SASH1: variants seen among roughly 807,000 people sequenced by gnomAD.
SASH1 encodes SAM and SH3 domain-containing protein 1.
In SASH1, 44 loss-of-function variants were observed where a neutral mutation model predicts 125.2. That is an observed-to-expected ratio of 0.35 (90% confidence interval 0.28 to 0.45). SASH1 has a LOEUF of 0.45. SASH1 is among the 20% of genes least tolerant of loss of function. SASH1 has a pLI of 1.00. For missense variants in SASH1, 1,426 were observed against 1,614.5 expected (o/e 0.88, Z 2.00); for synonymous variants, 639 against 649.1 (o/e 0.98, Z 0.24).
chr6:148,309,475 C>A (rs1258959138), intron 1 of SASH1, among the ~76,000 whole-genome samples: 2 of 152,116 alleles, frequency 1.3e-5, no homozygotes, highest in Non-Finnish European at 2.9e-5. Flanking sequence ...CACCTCCACC[C>A]ATATCCACCC....
rs544639147 is a variant in SASH1, at chr6:148,538,635, G to A, written c.2096-1808G>A. Among the ~76,000 whole-genome samples the A allele has an allele frequency of 6.6e-5, 10 of 152,296 alleles. No individual in the cohort carries two copies. In the South Asian group the frequency reaches 2.1e-3, roughly 32 times the overall value. ...CGCTGCCACGATCTCTGCTGTAGTT[G>A]GGGCTGTAAAATGCTTTCCCCGTGA... On this transcript the variant is annotated intron_variant, in intron 16 of 19. Transcript: ENST00000367467.
intron 10 of SASH1, chr6:148,524,487 A>G (rs988294625): frequency 2.6e-5 from 4 of 152,196 alleles, no homozygotes; most frequent in Non-Finnish European, 5.9e-5. Flanking sequence ...AGATATAAGC[A>G]GTTCCGTGAA....
chr6:148,512,518 C>A, intron 8 of SASH1: 2 of 985,116 alleles, frequency 2.0e-6, no homozygotes, highest in Non-Finnish European at 2.4e-6. Flanking sequence ...TCTCATTCCT[C>A]TGGTTGACCG....
intron 2 of SASH1, among the ~76,000 whole-genome samples, chr6:148,424,951 A>G (rs1703787610): frequency 6.6e-6 from 1 of 152,208 alleles, no homozygotes; most frequent in South Asian, 2.1e-4. Flanking sequence ...AGGGATTGCA[A>G]GGCACTAAGT....
the SASH1 span, among the ~76,000 whole-genome samples, chr6:148,200,546 A>C: frequency 1.3e-5 from 2 of 152,232 alleles, no homozygotes; most frequent in African/African-American, 4.8e-5. Context: ...TCCTGGCAAG[A>C]GATCCAAGTG....
chr6:148,342,858 CA>C lies in SASH1; in HGVS notation c.-209del, dbSNP rs1781376914. ...GGGGTGGGAAAGTTTCTGGAGTTGT[CA>C]GTCGCGCAGCCCGTGGCCACCTAGA... On this transcript the variant is annotated 5_prime_UTR_variant, in exon 1 of 20. Transcript: ENST00000367467. 1.5e-5 allele frequency: 3 copies of C among 198,484 alleles called. No homozygotes were observed. The highest frequency in any genetic ancestry group is 2.7e-5 in the Non-Finnish European group (3 of 110,278). 12.3% of individuals were successfully genotyped at this position (198,484 alleles called of 1,614,324 possible).
At chr6:148,388,948 T>C (rs1395333632) in intron 1 of SASH1, among the ~76,000 whole-genome samples, 2 of 151,410 alleles carry the variant, frequency 1.3e-5, no homozygotes, top group East Asian at 3.9e-4. Context: ...AGCAGAATGT[T>C]GGGAGGTTAA....
the SASH1 span, among the ~76,000 whole-genome samples, chr6:148,204,490 A>G: frequency 6.6e-6 from 1 of 152,146 alleles, no homozygotes; most frequent in East Asian, 1.9e-4. Context: ...TCAGGAGTTC[A>G]AGACCAGCCT....
At chr6:148,381,500 A>G (rs1044539252) in intron 1 of SASH1, among the ~76,000 whole-genome samples, 2 of 150,466 alleles carry the variant, frequency 1.3e-5, no homozygotes, top group African/African-American at 4.9e-5. Flanking sequence ...TGTGCTGAGG[A>G]GGAGGGGTGG....
intron 1 of SASH1, among the ~76,000 whole-genome samples, chr6:148,380,622 C>T (rs933521737): frequency 6.6e-6 from 1 of 152,202 alleles, no homozygotes; most frequent in Non-Finnish European, 1.5e-5. Flanking sequence ...TCTGCTAAAT[C>T]CAAATGTCCA....
intron 1 of SASH1, among the ~76,000 whole-genome samples, chr6:148,317,185 A>G (rs1341682964): frequency 6.6e-6 from 1 of 152,234 alleles, no homozygotes; most frequent in East Asian, 1.9e-4. Context: ...ATTACTGACC[A>G]AAGGCTAAAT....
intron 2 of SASH1, among the ~76,000 whole-genome samples, chr6:148,391,472 A>G (rs1318205856): frequency 6.7e-6 from 1 of 150,142 alleles, no homozygotes. Flanking sequence ...GTATCTATAT[A>G]TTTAAAAAAA....
intron 1 of SASH1, among the ~76,000 whole-genome samples, chr6:148,361,994 A>G (rs1295887776): frequency 6.8e-6 from 1 of 148,132 alleles, no homozygotes; most frequent in Non-Finnish European, 1.5e-5. Flanking sequence ...GCTCACTGCA[A>G]GCTCCGCCTC....
intron 1 of SASH1, among the ~76,000 whole-genome samples, chr6:148,302,820 G>GTATATATATATA (rs71031062): frequency 2.8e-4 from 40 of 143,898 alleles, no homozygotes; most frequent in Non-Finnish European, 4.4e-4. Flanking sequence ...GACCTCAGGA[G>GTATATATATATA]TATATATATA....
chr6:148,413,227 CAT>C (rs1008623398), intron 2 of SASH1, among the ~76,000 whole-genome samples: 2 of 152,162 alleles, frequency 1.3e-5, no homozygotes, highest in African/African-American at 4.8e-5. Flanking sequence ...TAAGAGGGGA[CAT>C]AGGAAAACTT....
chr6:148,203,999 C>G, the SASH1 span, among the ~76,000 whole-genome samples: 9 of 152,206 alleles, frequency 5.9e-5, no homozygotes, highest in Non-Finnish European at 1.2e-4. Context: ...GTTTTGTTGA[C>G]TGATGACAGC....
rs10652144 is a variant in SASH1 at position 148,309,084 on chromosome 6, CAA to C, written n.74+36725_74+36726del. On this transcript the variant is annotated intron_variant and non_coding_transcript_variant, in intron 1 of 3. Transcript: ENST00000367469. ...GGGTGACAGAGCAAGACTCTGTCTC[CAA>C]AAAAAAAAAAAAAAAAAGATTCTCT... is the stretch of plus-strand genomic sequence containing the variant. 5.2e-3 allele frequency among the ~76,000 whole-genome samples: 522 copies of C among 101,046 alleles called. 2 individuals are homozygous for C. Among genetic ancestry groups the C allele is most frequent in the African/African-American group, 0.015 (400 of 27,154 alleles). 66.3% of individuals were successfully genotyped at this position (101,046 alleles called of 152,430 possible).
chr6:148,314,280 C>T (rs1311347271), intron 1 of SASH1, among the ~76,000 whole-genome samples: 1 of 152,144 alleles, frequency 6.6e-6, no homozygotes, highest in African/African-American at 2.4e-5. Flanking sequence ...CTACACACTT[C>T]CCCACTCAGT....
rs1312983612 is a variant in SASH1 at position 148,390,186 on chromosome 6, A to G, written c.209A>G (p.Tyr70Cys). The change falls in exon 2 of 20, where the codon TAC (tyrosine) becomes TGC (cysteine). Residue 70 changes from tyrosine (Y) to cysteine (C), a missense_variant. Around this residue, in one of 3 missense-constraint regions of SASH1, gnomAD observed 567 missense variants for 575.6 expected, o/e 0.99. Coordinates refer to ENST00000367467, the MANE Select transcript of SASH1 (RefSeq NM_015278.5). ...CTGGCGCAGCAGTATGCAGATTATT[A>G]CAACACCTGTTTCTCCGACGTGTGC... ...DDLAQQYADY[Y>C]NTCFSDVCER... 6.2e-7 allele frequency: 1 copy of G among 1,613,590 alleles called. No homozygotes were observed. Among genetic ancestry groups the G allele is most frequent in the East Asian group, 2.2e-5 (1 of 44,860 alleles).
Sources: gnomAD v4.1 joint callset for allele counts (sites outside exome capture counted in the v4.1 genomes callset) on GRCh38, gnomAD v4.1.1 for gene constraint, gnomAD v4.1.1 regional missense constraint, MANE v1.5 for transcripts, NCBI Gene and HGNC (gene_info 2026-07-23, HGNC 2026-07-21) for gene names.